The following TOX variants were observed in gnomAD, a reference collection of about 807,000 sequenced individuals.
TOX encodes thymocyte selection-associated high mobility group box protein TOX.
In TOX, 11 loss-of-function variants were observed where a neutral mutation model predicts 53.7. That is an observed-to-expected ratio of 0.20 (90% CI 0.13 to 0.34). The LOEUF (loss-of-function observed/expected upper bound fraction) is 0.34, where lower values mean the gene tolerates loss of function less well. Ranked by LOEUF, TOX falls within the 10% of genes least tolerant of loss-of-function variation. The pLI is 1.00. For synonymous variants in TOX, 225 were observed against 245.3 expected (o/e 0.92, Z 0.77); for missense variants, 570 against 664.6 (o/e 0.86, Z 1.56).
At chr8:59,075,037 G>C (rs182649911) in intron 1 of TOX, among the ~76,000 whole-genome samples, 10 of 152,262 alleles carry the variant, frequency 6.6e-5, no homozygotes, top group Admixed American at 1.3e-4. Flanking sequence ...GGTGAAAATG[G>C]GAACGCAGAT....
chr8:58,838,017 G>T, intron 5 of TOX, 64 bp downstream of exon 5: 2 of 1,484,514 alleles, frequency 1.3e-6, no homozygotes, highest in Non-Finnish European at 1.9e-6. Flanking sequence ...GCCCTGGGAG[G>T]CCATTTCTTC....
chr8:58,851,722 T>C lies in TOX; in HGVS notation c.495A>G (p.Ala165=). 1 of 1,613,532 alleles carries C rather than the reference T, an allele frequency of 6.2e-7. No individual in the cohort carries two copies. Among genetic ancestry groups the C allele is most frequent in the Non-Finnish European group, 8.5e-7 (1 of 1,179,790 alleles). Residue 165 remains alanine, a synonymous_variant, in exon 4 of 9, where the codon GCA becomes GCG. Transcript: ENST00000361421. This position sits in a 1 kb window ranked among gnomAD's most constrained non-coding sequence, Gnocchi z 4.4. ...TCATTCCTGGCTGCTGCCTGATGTC[T>C]GCAGGCTGGCCCCTTGGTCTCATGG... The part of the protein sequence containing the change: ...MAAMRPRGQP[A]DIRQQPGMMP...
intron 1 of TOX, among the ~76,000 whole-genome samples, chr8:59,053,432 G>A (rs1299776436): frequency 1.3e-5 from 2 of 152,112 alleles, no homozygotes; most frequent in East Asian, 1.9e-4. Context: ...GGTTTGTCTC[G>A]AAAATATATT....
chr8:58,845,358 C>A (rs1238746078), intron 4 of TOX, among the ~76,000 whole-genome samples: 1 of 152,066 alleles, frequency 6.6e-6, no homozygotes, highest in Non-Finnish European at 1.5e-5. Context: ...AGAAACAGGG[C>A]ATATAACAGC....
chr8:59,029,378 A>C (rs1563423393), intron 1 of TOX, among the ~76,000 whole-genome samples: 1 of 152,138 alleles, frequency 6.6e-6, no homozygotes, highest in East Asian at 1.9e-4. Context: ...TGTTGGATTA[A>C]ATATCCCTAA....
chr8:59,104,604 T>C (rs924513286), intron 1 of TOX, among the ~76,000 whole-genome samples: 1 of 152,218 alleles, frequency 6.6e-6, no homozygotes, highest in African/African-American at 2.4e-5. Flanking sequence ...TATAGCTTAA[T>C]ATGTAGGTCA....
intron 3 of TOX, among the ~76,000 whole-genome samples, chr8:58,934,448 A>G (rs375382513): frequency 1.3e-5 from 2 of 152,210 alleles, no homozygotes; most frequent in African/African-American, 2.4e-5. Context: ...CTAGCCAGAC[A>G]TTACAGATAT....
chr8:59,113,369 T>C (rs1024677084), intron 1 of TOX, among the ~76,000 whole-genome samples: 1 of 152,126 alleles, frequency 6.6e-6, no homozygotes, highest in Non-Finnish European at 1.5e-5. Flanking sequence ...CACATGAAGG[T>C]TGTCTTACTC....
intron 1 of TOX, among the ~76,000 whole-genome samples, chr8:58,998,536 T>TATA (rs1554537361): frequency 3.2e-4 from 12 of 37,740 alleles, no homozygotes; most frequent in African/African-American, 4.0e-4. Context: ...TATATATATA[T>TATA]ATAAATTTAT....
intron 2 of TOX, among the ~76,000 whole-genome samples, chr8:58,940,785 C>A (rs186413152): frequency 3.3e-5 from 5 of 152,120 alleles, no homozygotes; most frequent in African/African-American, 9.7e-5. Context: ...TGTGTCCAAG[C>A]GCCTGGGGTT....
At chr8:58,847,011 T>G (rs970706009) in intron 4 of TOX, among the ~76,000 whole-genome samples, 1 of 152,144 alleles carries the variant, frequency 6.6e-6, no homozygotes, top group Non-Finnish European at 1.5e-5. Context: ...ATTTGTAGCC[T>G]GAACATACTC....
chr8:58,852,565 A>G (rs1242353869), intron 3 of TOX, among the ~76,000 whole-genome samples: 4 of 152,234 alleles, frequency 2.6e-5, no homozygotes, highest in Non-Finnish European at 5.9e-5. Context: ...GATTAGAATT[A>G]AAAGCATTGG....
At chr8:59,109,690 G>GGTTATA (rs1342027630) in intron 1 of TOX, among the ~76,000 whole-genome samples, 2 of 152,040 alleles carry the variant, frequency 1.3e-5, no homozygotes, top group Non-Finnish European at 2.9e-5. Context: ...ATATAATGTT[G>GGTTATA]GTTATAACTA....
intron 3 of TOX, among the ~76,000 whole-genome samples, chr8:58,914,763 GTGA>G (rs753971299): frequency 1.0e-3 from 151 of 150,438 alleles, no homozygotes; most frequent in South Asian, 3.0e-3. Flanking sequence ...CAGAAGACGG[GTGA>G]TTTCTGCATT....
At chr8:58,960,239 T>C (rs1265749357) in intron 1 of TOX, among the ~76,000 whole-genome samples, 2 of 152,208 alleles carry the variant, frequency 1.3e-5, no homozygotes, top group Non-Finnish European at 1.5e-5. Flanking sequence ...AGTGCTCTAG[T>C]AATTACAGCA....
chr8:58,877,767 C>A (rs1378746527), intron 3 of TOX, among the ~76,000 whole-genome samples: 2 of 152,110 alleles, frequency 1.3e-5, no homozygotes, highest in African/African-American at 4.8e-5. Context: ...AGTGTACTAA[C>A]ATGTGCAGGC....
rs1043302503 is a variant in TOX, at chr8:59,118,002, C to G, written c.102+884G>C. Among the ~76,000 whole-genome samples the G allele has an allele frequency of 5.9e-5, 9 of 152,296 alleles. No homozygotes were observed. Among genetic ancestry groups the G allele is most frequent in the Non-Finnish European group, 8.8e-5 (6 of 68,008 alleles). On this transcript the variant is annotated intron_variant, in intron 1 of 8. Coordinates refer to ENST00000361421, the MANE Select transcript of TOX (RefSeq NM_014729.3). The surrounding 1 kb of genome is among the most constrained non-coding windows in gnomAD (Gnocchi z 4.1). Reference sequence around the variant, plus strand: ...GGAGAGTAACCCCCTCCCTCGTACCCCCTGACTGTCCTATAGGTGGACCCA... The same window carrying G: ...GGAGAGTAACCCCCTCCCTCGTACCGCCTGACTGTCCTATAGGTGGACCCA...
rs894071315 is a variant in TOX at position 58,805,607 on chromosome 8, A to G, written c.*2140T>C. Reference sequence around the variant, plus strand: ...AGTCAAAGCTGCTCATTCTCCTCCCAGTAATTACCTTCTCAGTTTAGACTT... The same window carrying G: ...AGTCAAAGCTGCTCATTCTCCTCCCGGTAATTACCTTCTCAGTTTAGACTT... On this transcript the variant is annotated 3_prime_UTR_variant, in exon 9 of 9. Transcript: ENST00000361421. 6.6e-6 allele frequency: 1 copy of G among 152,644 alleles called. No homozygotes were observed. Among genetic ancestry groups the G allele is most frequent in the Admixed American group, 6.5e-5 (1 of 15,276 alleles). The allele number at this position is 152,644 out of a possible 1,614,324, so 9.5% of individuals were successfully genotyped here. A position where few individuals can be genotyped will look rare whatever the true frequency, so the allele number is the denominator to read the frequency against.
intron 1 of TOX, among the ~76,000 whole-genome samples, chr8:58,986,703 G>C (rs1813335167): frequency 6.6e-6 from 1 of 152,216 alleles, no homozygotes; most frequent in South Asian, 2.1e-4. Context: ...AAGGGAATCA[G>C]AGTTCAAGTC....
Sources: gnomAD v4.1 joint callset for allele counts (sites outside exome capture counted in the v4.1 genomes callset) on GRCh38, gnomAD v4.1.1 for gene constraint, Gnocchi (gnomAD v3.1) non-coding constraint, MANE v1.5 for transcripts, NCBI Gene and HGNC (gene_info 2026-07-23, HGNC 2026-07-21) for gene names.